The following PAK1 variants were observed in gnomAD, a reference collection of about 807,000 sequenced individuals.
PAK1 encodes p21 (RAC1) activated kinase 1, also known as serine/threonine-protein kinase PAK 1.
Under a neutral mutation model 67.4 loss-of-function variants are expected in PAK1, and 29 were observed. That is an observed-to-expected ratio of 0.43 (90% CI 0.32 to 0.59). The LOEUF is 0.59. Among genes scored for constraint, PAK1 ranks in the 20% least tolerant of loss-of-function variants. The pLI, the probability that PAK1 is intolerant of heterozygous loss-of-function variation, is 0.07. For missense variants in PAK1, 337 were observed against 670.7 expected, an observed-to-expected ratio of 0.50 and a Z score of 5.50; for synonymous variants, 223 against 237.4, an observed-to-expected ratio of 0.94 and a Z score of 0.56.
At chr11:77,405,724 G>T (rs1447035084) in intron 1 of PAK1, among the ~76,000 whole-genome samples, 1 of 135,912 alleles carries the variant, frequency 7.4e-6, no homozygotes, top group African/African-American at 2.9e-5. Context: ...CCCTTCCCTT[G>T]ACACCCACAT....
chr11:77,449,267 C>T (rs940537720), intron 1 of PAK1, among the ~76,000 whole-genome samples: 1 of 152,150 alleles, frequency 6.6e-6, no homozygotes, highest in Middle Eastern at 3.2e-3. Context: ...CTAGCCCACA[C>T]AGAAACAGCT....
chr11:77,405,620 G>A (rs897565305), intron 1 of PAK1, among the ~76,000 whole-genome samples: 24 of 151,406 alleles, frequency 1.6e-4, no homozygotes, highest in African/African-American at 5.6e-4. Context: ...AATACTGGGT[G>A]AATGTAAACA....
chr11:77,440,855 C>T (rs938820091), intron 1 of PAK1, among the ~76,000 whole-genome samples: 1 of 150,830 alleles, frequency 6.6e-6, no homozygotes, highest in African/African-American at 2.5e-5. Context: ...GCCCCTCCCA[C>T]CTCTACCTGC....
At chr11:77,426,456 T>C (rs1955549682) in intron 1 of PAK1, among the ~76,000 whole-genome samples, 1 of 152,176 alleles carries the variant, frequency 6.6e-6, no homozygotes. Flanking sequence ...TTGGCTTTAT[T>C]ACCCTCATTT....
chr11:77,339,273 T>C (rs542446410), intron 11 of PAK1, among the ~76,000 whole-genome samples: 1 of 152,096 alleles, frequency 6.6e-6, no homozygotes, highest in Non-Finnish European at 1.5e-5. Flanking sequence ...TCCCAAAGTA[T>C]ACATATGCAT....
the PAK1 span, among the ~76,000 whole-genome samples, chr11:77,482,877 A>G: frequency 6.6e-6 from 1 of 152,052 alleles, no homozygotes; most frequent in Non-Finnish European, 1.5e-5. Context: ...AAGTGCTAAG[A>G]TTACAGGCAT....
intron 2 of PAK1, among the ~76,000 whole-genome samples, chr11:77,387,258 A>C (rs1365162367): frequency 6.6e-6 from 1 of 151,408 alleles, no homozygotes; most frequent in Non-Finnish European, 1.5e-5. Flanking sequence ...TTTTTAGTAG[A>C]GACAGGGTTT....
rs200382044 is a variant in PAK1, at chr11:77,337,392, T to C, written c.1148A>G (p.Asn383Ser). 7 of 1,611,570 alleles carry C rather than the reference T, an allele frequency of 4.3e-6. No homozygotes were observed. The highest frequency in any genetic ancestry group is 5.9e-6 in the Non-Finnish European group (7 of 1,177,998). Residue 383 changes from asparagine (N) to serine (S), a missense_variant, in exon 12 of 15, where the codon AAC becomes AGC. Coordinates refer to ENST00000356341, the MANE Select transcript of PAK1 (RefSeq NM_002576.5). ...CTTGATGTCTCTGTGAATGACCTGGTTCGAATGCAAGAACTCCAGAGCCTG... is the reference window on the plus strand; with the variant it reads ...CTTGATGTCTCTGTGAATGACCTGGCTCGAATGCAAGAACTCCAGAGCCTG... ...CLQALEFLHS[N>S]QVIHRDIKSD...
intron 1 of PAK1, among the ~76,000 whole-genome samples, chr11:77,436,717 G>T (rs185945337): frequency 3.9e-5 from 6 of 152,198 alleles, no homozygotes; most frequent in Admixed American, 2.6e-4. Flanking sequence ...TAAGATATGC[G>T]TGGGAAAGCA....
intron 1 of PAK1, among the ~76,000 whole-genome samples, chr11:77,458,110 T>A (rs1461024003): frequency 6.6e-6 from 1 of 152,182 alleles, no homozygotes; most frequent in Non-Finnish European, 1.5e-5. Flanking sequence ...ATAACTACTA[T>A]CCAAAAATAC....
At chr11:77,465,014 CTG>C (rs1247507766) in intron 1 of PAK1, among the ~76,000 whole-genome samples, 9 of 105,070 alleles carry the variant, frequency 8.6e-5, no homozygotes, top group Non-Finnish European at 1.9e-4. Context: ...GTGTGTGTGT[CTG>C]TGTGTGTGTC....
intron 1 of PAK1, among the ~76,000 whole-genome samples, chr11:77,397,698 C>T (rs1952018469): frequency 6.6e-6 from 1 of 152,220 alleles, no homozygotes; most frequent in Non-Finnish European, 1.5e-5. Flanking sequence ...CCTCTTTCTA[C>T]TCTTATTACC....
intron 5 of PAK1, among the ~76,000 whole-genome samples, chr11:77,360,292 CA>C (rs1946609733): frequency 6.6e-6 from 1 of 152,106 alleles, no homozygotes; most frequent in East Asian, 1.9e-4. Flanking sequence ...CATATATAAG[CA>C]GTTGTGGTGA....
rs752626713 is a variant in PAK1, at chr11:77,332,782, C to T, written c.1499G>A (p.Arg500His). The T allele has an allele frequency of 1.5e-5, 25 of 1,613,218 alleles. No homozygotes were observed. The highest frequency in any genetic ancestry group is 8.8e-5 in the South Asian group (8 of 91,044). The change falls in exon 14 of 15, where the codon CGC becomes CAC. Residue 500 changes from arginine (R) to histidine (H), a missense_variant. Arg to His is a conservative substitution (Grantham distance 29). This residue lies in a region of PAK1 where 71 missense variants were observed against 160.5 expected (regional missense o/e 0.44). Coordinates refer to ENST00000356341, the MANE Select transcript of PAK1 (RefSeq NM_002576.5). ...CTTCTCCACATCCATCTCGAGACAGCGGTTCAGAAAGTCCCGGAAGATAGC... is the reference window on the plus strand; with the variant it reads ...CTTCTCCACATCCATCTCGAGACAGTGGTTCAGAAAGTCCCGGAAGATAGC... ...LSAIFRDFLN[R>H]CLEMDVEKRG...
chr11:77,506,988 G>C, the PAK1 span, among the ~76,000 whole-genome samples: 1 of 152,188 alleles, frequency 6.6e-6, no homozygotes, highest in African/African-American at 2.4e-5. Context: ...TCATTCACTG[G>C]TCTGGCCCAG....
chr11:77,374,117 C>A (rs1948790460), intron 5 of PAK1, among the ~76,000 whole-genome samples: 1 of 152,136 alleles, frequency 6.6e-6, no homozygotes, highest in African/African-American at 2.4e-5. Flanking sequence ...AAAATTATCA[C>A]AAAGAAAGAA....
the PAK1 span, among the ~76,000 whole-genome samples, chr11:77,525,329 CA>C: frequency 1.0e-3 from 138 of 136,686 alleles, no homozygotes; most frequent in Non-Finnish European, 1.1e-3. Context: ...GACCGTGTCT[CA>C]AAAAAAAAAA....
In PAK1 at chr11:77,430,783, C is replaced by T. The variant is rs188129338; in HGVS notation, c.-21-38242G>A. ...AGCGTTAGGAAAAGAATCTTTAAAGCACATATCAGAAGTGCCAGAAACACA... is the reference window on the plus strand; with the variant it reads ...AGCGTTAGGAAAAGAATCTTTAAAGTACATATCAGAAGTGCCAGAAACACA... On this transcript the variant is annotated intron_variant, in intron 1 of 14. Transcript: ENST00000356341. Among the ~76,000 whole-genome samples the T allele has an allele frequency of 3.0e-3, 455 of 152,228 alleles. 5 individuals are homozygous for T. Among genetic ancestry groups the T allele is most frequent in the African/African-American group, 0.011 (442 of 41,532 alleles).
intron 1 of PAK1, among the ~76,000 whole-genome samples, chr11:77,413,182 A>C (rs1264969624): frequency 7.2e-5 from 11 of 152,200 alleles, no homozygotes; most frequent in Non-Finnish European, 1.3e-4. Context: ...AGGCTTTGAA[A>C]GGTTTGAAAG....
Sources: gnomAD v4.1 joint callset for allele counts (sites outside exome capture counted in the v4.1 genomes callset) on GRCh38, gnomAD v4.1.1 for gene constraint, gnomAD v4.1.1 regional missense constraint, MANE v1.5 for transcripts, NCBI Gene and HGNC (gene_info 2026-07-23, HGNC 2026-07-21) for gene names.